The following DPT variants were observed in gnomAD, a reference collection of about 807,000 sequenced individuals.
DPT encodes dermatopontin, also known as tyrosine-rich acidic matrix protein.
Under a neutral mutation model 31.2 loss-of-function variants are expected in DPT, and 21 were observed. The ratio of observed to expected loss-of-function variants is 0.67; its 90% CI spans 0.48 to 0.97. The LOEUF (loss-of-function observed/expected upper bound fraction) is 0.97. Ranked by LOEUF, DPT falls within the 50% of genes least tolerant of loss-of-function variation. DPT has a pLI of 0.00. For missense variants in DPT, 262 were observed against 258.8 expected (o/e 1.01, Z -0.08); for synonymous variants, 91 against 86.9 (o/e 1.05, Z -0.26).
At chr1:168,722,925 T>C (rs992301788) in intron 1 of DPT, among the ~76,000 whole-genome samples, 1 of 152,018 alleles carries the variant, frequency 6.6e-6, no homozygotes, top group Non-Finnish European at 1.5e-5. Context: ...ATTGAGAAGA[T>C]TGTGTCCTGC....
intron 1 of DPT, among the ~76,000 whole-genome samples, chr1:168,717,607 G>GT (rs1422269813): frequency 1.3e-5 from 2 of 152,082 alleles, no homozygotes; most frequent in Non-Finnish European, 2.9e-5. Flanking sequence ...TGCTTTTGGT[G>GT]TTTTTTATTA....
Position 168,701,139 on chromosome 1 carries a change from CAA to C in DPT, c.432-17_432-16del. ...CTGTTGTTAGCCTATGCAGGAAGAA[CAA>C]AGGTTAGAGGAAAATGAAACACATT... On this transcript the variant is annotated splice_polypyrimidine_tract_variant and intron_variant, in intron 2 of 3. Coordinates refer to ENST00000367817, the MANE Select transcript of DPT (RefSeq NM_001937.5). 2 of 1,582,448 alleles carry C rather than the reference CAA, an allele frequency of 1.3e-6. No individual in the cohort carries two copies. Among genetic ancestry groups the C allele is most frequent in the South Asian group, 2.2e-5 (2 of 90,340 alleles).
intron 2 of DPT, among the ~76,000 whole-genome samples, chr1:168,708,972 T>A (rs1420267665): frequency 1.3e-5 from 2 of 152,092 alleles, no homozygotes; most frequent in Non-Finnish European, 1.5e-5. Context: ...TACAGGAATT[T>A]AAAAAAAGCA....
intron 2 of DPT, among the ~76,000 whole-genome samples, chr1:168,711,971 G>A (rs903549449): frequency 2.6e-5 from 4 of 152,098 alleles, no homozygotes; most frequent in African/African-American, 9.7e-5. Context: ...AGGGATGGGG[G>A]AGAGAACAAA....
intron 2 of DPT, among the ~76,000 whole-genome samples, chr1:168,713,863 T>G (rs901031427): frequency 5.9e-5 from 9 of 152,082 alleles, no homozygotes; most frequent in Non-Finnish European, 1.2e-4. Flanking sequence ...CAGCCTTGGA[T>G]ATGATGAGAA....
chr1:168,711,533 C>T (rs1649862770), intron 2 of DPT, among the ~76,000 whole-genome samples: 1 of 152,220 alleles, frequency 6.6e-6, no homozygotes, highest in African/African-American at 2.4e-5. Flanking sequence ...TCAGCTTACT[C>T]CTCTCTGCCT....
intron 3 of DPT, among the ~76,000 whole-genome samples, chr1:168,700,289 T>A (rs550370687): frequency 6.6e-6 from 1 of 152,276 alleles, no homozygotes; most frequent in African/African-American, 2.4e-5. Flanking sequence ...AAGCAACATC[T>A]CTGAAGCAGC....
intron 2 of DPT, among the ~76,000 whole-genome samples, chr1:168,713,877 A>T (rs565302593): frequency 5.9e-5 from 9 of 152,286 alleles, no homozygotes; most frequent in Admixed American, 4.6e-4. Context: ...ATGAGAAGTT[A>T]CCAGAAGTTG....
At position 168,728,860 on chromosome 1, in the gene DPT, TGGC is replaced by T; in HGVS notation, c.305+7_305+9del. 1 of 1,613,640 alleles carries T rather than the reference TGGC, an allele frequency of 6.2e-7. No individual in the cohort carries two copies. Among genetic ancestry groups the T allele is most frequent in the Non-Finnish European group, 8.5e-7 (1 of 1,179,636 alleles). On this transcript the variant is annotated splice_region_variant and intron_variant, in intron 1 of 3. Coordinates refer to ENST00000367817, the MANE Select transcript of DPT (RefSeq NM_001937.5). ...CCCAGCCCCAGTGCAGTGCAGGGAC[TGGC>T]CCTTACCATTCCATGCCAGCCCTGT...
chr1:168,719,583 C>G (rs1352881434), intron 1 of DPT, among the ~76,000 whole-genome samples: 1 of 152,080 alleles, frequency 6.6e-6, no homozygotes, highest in East Asian at 1.9e-4. Context: ...GCTCAATGCT[C>G]TATTCCGCTT....
chr1:168,705,124 T>G (rs1443770014), intron 2 of DPT, among the ~76,000 whole-genome samples: 1 of 152,202 alleles, frequency 6.6e-6, no homozygotes, highest in Non-Finnish European at 1.5e-5. Context: ...AGGTTTTTAA[T>G]AGTTAAAGTA....
At chr1:168,715,667 T>C (rs1191418261) in intron 1 of DPT, among the ~76,000 whole-genome samples, 2 of 152,248 alleles carry the variant, frequency 1.3e-5, no homozygotes, top group African/African-American at 2.4e-5. Context: ...AGCAGAGCCC[T>C]GGAAATTGAG....
chr1:168,714,115 C>T (rs1265777720), intron 2 of DPT, 106 bp downstream of exon 2: 2 of 1,492,568 alleles, frequency 1.3e-6, no homozygotes, highest in Non-Finnish European at 1.8e-6. Flanking sequence ...CCAGCGCTGC[C>T]TTCCAGGCTT....
chr1:168,714,407 A>C, intron 1 of DPT, 61 bp from the exon 2 acceptor site: 1 of 1,602,950 alleles, frequency 6.2e-7, no homozygotes, highest in Non-Finnish European at 8.5e-7. Flanking sequence ...CCCCTTCCCA[A>C]GACCCCACTG....
intron 1 of DPT, among the ~76,000 whole-genome samples, chr1:168,714,922 C>T (rs1487373525): frequency 1.1e-4 from 17 of 152,208 alleles, no homozygotes; most frequent in Non-Finnish European, 2.9e-5. Flanking sequence ...GGACCACAAC[C>T]CAGATTCTTC....
chr1:168,709,676 G>A (rs686226), intron 2 of DPT, among the ~76,000 whole-genome samples: 110,735 of 152,126 alleles, frequency 0.73, 41,186 homozygotes, highest in African/African-American at 0.89. Flanking sequence ...TAGTTCATAC[G>A]GTGTCAGGCT....
At chr1:168,716,564 T>C (rs1649990790) in intron 1 of DPT, among the ~76,000 whole-genome samples, 1 of 152,124 alleles carries the variant, frequency 6.6e-6, no homozygotes, top group Admixed American at 6.5e-5. Context: ...TTACTTTAAG[T>C]TCCGGGATAC....
intron 2 of DPT, among the ~76,000 whole-genome samples, chr1:168,703,362 G>T (rs1015345585): frequency 6.6e-6 from 1 of 152,186 alleles, no homozygotes; most frequent in Non-Finnish European, 1.5e-5. Context: ...GGAAAGAAAA[G>T]CTTACCTTTA....
intron 1 of DPT, among the ~76,000 whole-genome samples, chr1:168,725,733 G>T (rs1650227503): frequency 6.6e-6 from 1 of 152,200 alleles, no homozygotes; most frequent in Non-Finnish European, 1.5e-5. Flanking sequence ...ACTCAGCTAT[G>T]ATGGCAACAC....
Sources: gnomAD v4.1 joint callset for allele counts (sites outside exome capture counted in the v4.1 genomes callset) on GRCh38, gnomAD v4.1.1 for gene constraint, MANE v1.5 for transcripts, NCBI Gene and HGNC (gene_info 2026-07-23, HGNC 2026-07-21) for gene names.